BACH2: variants seen among roughly 807,000 people sequenced by gnomAD.
BACH2 encodes BACH transcriptional regulator 2, also known as transcription regulator protein BACH2.
BACH2 carries 5 observed loss-of-function variants against 61.8 expected under a neutral mutation model. The ratio of observed to expected loss-of-function variants is 0.08; its 90% CI spans 0.04 to 0.17. BACH2 has a LOEUF of 0.17. Ranked by LOEUF, BACH2 falls within the 10% of genes least tolerant of loss-of-function variation. The probability of loss-of-function intolerance (pLI) is 1.00; values close to 1 mark genes in which losing one functional copy is unlikely to be tolerated. For synonymous variants in BACH2, 446 were observed against 440.1 expected, an observed-to-expected ratio of 1.01 and a Z score of -0.17; for missense variants, 824 against 1,091.1, an observed-to-expected ratio of 0.76 and a Z score of 3.45.
rs139329394 is a variant in BACH2 at position 90,000,230 on chromosome 6, C to G, written c.243+8372G>C. ...TCTGTGGCGCTGCCTTACCGCAACT[C>G]CATCCGAGACTGAGGACCACATTTC... On this transcript the variant is annotated intron_variant, in intron 6 of 8. Coordinates refer to ENST00000257749, the MANE Select transcript of BACH2 (RefSeq NM_021813.4). Among the ~76,000 whole-genome samples, 457 of 152,326 alleles carry G rather than the reference C, an allele frequency of 3.0e-3. 7 individuals are homozygous for G. The East Asian group carries it at 0.034, about 11-fold the overall frequency.
At position 89,929,412 on chromosome 6, in the gene BACH2, A is replaced by C. The variant is rs1360261527; in HGVS notation, c.*2996T>G. 2 of 152,346 alleles carry C rather than the reference A, an allele frequency of 1.3e-5. No homozygotes were observed. Among genetic ancestry groups the C allele is most frequent in the East Asian group, 3.7e-4 (2 of 5,342 alleles). 9.4% of individuals were successfully genotyped at this position (152,346 alleles called of 1,614,324 possible). A position where few individuals can be genotyped will look rare whatever the true frequency, so the allele number is the denominator to read the frequency against. On this transcript the variant is annotated 3_prime_UTR_variant, in exon 9 of 9. Transcript: ENST00000257749. ...AGTCCTCCCTTTGAATCAACCCAGA[A>C]ATAATTTTGACAAGCACATAGTTCT...
rs59297488 is a variant in BACH2, at chr6:90,100,724, C to G, written c.-161-11615G>C. 1.4e-3 allele frequency among the ~76,000 whole-genome samples: 83 copies of G among 57,544 alleles called. 1 individual carries two copies. Among genetic ancestry groups the G allele is most frequent in the African/African-American group, 4.7e-3 (55 of 11,624 alleles). The allele number at this position is 57,544 out of a possible 152,430, so 37.8% of individuals were successfully genotyped here. ...ACAGACACACACACACACACACACA[C>G]ACAGACACACACACACACACACACA... is the stretch of plus-strand genomic sequence containing the variant. On this transcript the variant is annotated intron_variant, in intron 4 of 8. Transcript: ENST00000257749.
intron 5 of BACH2, among the ~76,000 whole-genome samples, chr6:90,080,450 AT>A (rs1477774714): frequency 1.3e-5 from 2 of 152,292 alleles, no homozygotes; most frequent in South Asian, 2.1e-4. Flanking sequence ...GGATTGAAGC[AT>A]CTGATATTTA....
At chr6:90,056,477 C>G (rs1172243155) in intron 5 of BACH2, among the ~76,000 whole-genome samples, 1 of 152,026 alleles carries the variant, frequency 6.6e-6, no homozygotes, top group African/African-American at 2.4e-5. Context: ...TAAAGCAAGT[C>G]CTGAGTGACC....
intron 5 of BACH2, among the ~76,000 whole-genome samples, chr6:90,018,324 C>T (rs1322306409): frequency 2.6e-5 from 4 of 152,192 alleles, no homozygotes; most frequent in Admixed American, 6.5e-5. Context: ...ATCATCTTTC[C>T]AGACTCTTAG....
intron 4 of BACH2, among the ~76,000 whole-genome samples, chr6:90,176,415 G>C (rs1057358657): frequency 6.6e-6 from 1 of 152,130 alleles, no homozygotes; most frequent in Non-Finnish European, 1.5e-5. Flanking sequence ...ACACTGGGAA[G>C]GGGCAGCTCT....
intron 5 of BACH2, among the ~76,000 whole-genome samples, chr6:90,060,159 A>G (rs1342172117): frequency 6.6e-6 from 1 of 151,768 alleles, no homozygotes; most frequent in Non-Finnish European, 1.5e-5. Flanking sequence ...AAACAAACAA[A>G]CAAAAAACAC....
intron 5 of BACH2, among the ~76,000 whole-genome samples, chr6:90,038,260 T>C (rs551199649): frequency 3.3e-4 from 50 of 152,360 alleles, no homozygotes; most frequent in African/African-American, 1.2e-3. Context: ...GACGCATTCA[T>C]GTAACCACCA....
chr6:90,095,765 T>C (rs545168867), intron 4 of BACH2, among the ~76,000 whole-genome samples: 1 of 131,554 alleles, frequency 7.6e-6, no homozygotes, highest in Non-Finnish European at 1.6e-5. Flanking sequence ...ATCACCATCA[T>C]CATCATCATC....
chr6:90,041,536 T>C (rs887223098), intron 5 of BACH2, among the ~76,000 whole-genome samples: 35 of 152,220 alleles, frequency 2.3e-4, no homozygotes, highest in Admixed American at 9.2e-4. Flanking sequence ...TCTTTCAAAA[T>C]GGTGCTAGGC....
chr6:90,085,459 C>G (rs934032659), intron 5 of BACH2, among the ~76,000 whole-genome samples: 2 of 152,156 alleles, frequency 1.3e-5, no homozygotes, highest in African/African-American at 2.4e-5. Flanking sequence ...CTGGAGCAGC[C>G]CCACTGCTGG....
intron 4 of BACH2, among the ~76,000 whole-genome samples, chr6:90,126,232 G>A (rs1783845005): frequency 6.6e-6 from 1 of 152,218 alleles, no homozygotes; most frequent in Admixed American, 6.5e-5. Context: ...ATACCTTAAG[G>A]ATTGTGCATG....
At chr6:90,078,863 G>A (rs913587377) in intron 5 of BACH2, among the ~76,000 whole-genome samples, 27 of 152,258 alleles carry the variant, frequency 1.8e-4, no homozygotes, top group African/African-American at 5.8e-4. Flanking sequence ...TAACCACTGT[G>A]CCACACTGTC....
At chr6:90,182,035 G>A (rs557169660) in intron 4 of BACH2, among the ~76,000 whole-genome samples, 1 of 152,246 alleles carries the variant, frequency 6.6e-6, no homozygotes, top group East Asian at 1.9e-4. Context: ...CTCAGGAGCT[G>A]CTTTCAAAAC....
chr6:90,079,631 T>TA (rs1433923021), intron 5 of BACH2, among the ~76,000 whole-genome samples: 1 of 152,198 alleles, frequency 6.6e-6, no homozygotes, highest in Non-Finnish European at 1.5e-5. Flanking sequence ...ATATACCACT[T>TA]ACCAGACAGA....
At chr6:90,086,521 C>T (rs1054406389) in intron 5 of BACH2, among the ~76,000 whole-genome samples, 6 of 152,140 alleles carry the variant, frequency 3.9e-5, no homozygotes, top group African/African-American at 7.2e-5. Context: ...TGCCCCCTGT[C>T]GCCCTCTGCC....
intron 3 of BACH2, among the ~76,000 whole-genome samples, chr6:90,248,725 G>A (rs941323719): frequency 3.9e-5 from 6 of 152,214 alleles, no homozygotes; most frequent in African/African-American, 1.4e-4. Context: ...AGGGAAAATG[G>A]CTGCATGAGG....
chr6:90,128,555 T>C (rs1282611773), intron 4 of BACH2, among the ~76,000 whole-genome samples: 13 of 152,160 alleles, frequency 8.5e-5, no homozygotes, highest in Admixed American at 8.5e-4. Flanking sequence ...CACTCCAGCC[T>C]GGTGGCAGGG....
intron 1 of BACH2, among the ~76,000 whole-genome samples, chr6:90,279,478 A>T (rs1690764163): frequency 6.7e-6 from 1 of 148,700 alleles, no homozygotes; most frequent in Admixed American, 6.8e-5. Flanking sequence ...AGCCGAGATC[A>T]TGCCACTGCA....
Sources: allele counts gnomAD v4.1 joint callset (sites outside exome capture counted in the v4.1 genomes callset), GRCh38; gene constraint gnomAD v4.1.1; transcripts MANE v1.5; gene names NCBI Gene and HGNC (gene_info 2026-07-23, HGNC 2026-07-21).